Variants in BMPR1B observed in about 807,000 individuals in gnomAD.
BMPR1B encodes bone morphogenetic protein receptor type 1B.
A neutral mutation model predicts 59.1 loss-of-function variants in BMPR1B; 12 were observed. The observed-to-expected ratio is 0.20, with a 90% CI of 0.13 to 0.33. BMPR1B has a LOEUF of 0.33. Ranked by LOEUF, BMPR1B falls within the 10% of genes least tolerant of loss-of-function variation. BMPR1B has a pLI of 1.00. For synonymous variants in BMPR1B, 237 were observed against 207.3 expected, an observed-to-expected ratio of 1.14 and a Z score of -1.23; for missense variants, 550 against 610.9, an observed-to-expected ratio of 0.90 and a Z score of 1.05.
At chr4:94,835,656 A>C (rs2148928351) in intron 1 of BMPR1B, among the ~76,000 whole-genome samples, 1 of 150,432 alleles carries the variant, frequency 6.6e-6, no homozygotes, top group East Asian at 1.9e-4. Flanking sequence ...ATTAAGTATA[A>C]GTTTTGTAAA....
rs201432298 is a variant in BMPR1B, at chr4:95,097,226, T to TAAAG, written c.-17-7181_-17-7180insAAGA. On this transcript the variant is annotated intron_variant, in intron 3 of 12. Coordinates refer to ENST00000515059, the MANE Select transcript of BMPR1B (RefSeq NM_001203.3). ...TTACACTGTTTTAAAGATCAGTTAT[T>TAAAG]AGAGAAAGAGGGAAGAAGAGAGAAG... Among the ~76,000 whole-genome samples the TAAAG allele has an allele frequency of 7.5e-3, 1,127 of 150,278 alleles. 15 individuals carry two copies. Among genetic ancestry groups the TAAAG allele is most frequent in the African/African-American group, 0.025 (1,034 of 40,998 alleles).
chr4:95,153,957 T>C (rs1241619806), intron 12 of BMPR1B, among the ~76,000 whole-genome samples: 3 of 152,254 alleles, frequency 2.0e-5, no homozygotes, highest in Non-Finnish European at 4.4e-5. Context: ...CAGAAAGCTT[T>C]ATGAGATGCT....
intron 1 of BMPR1B, among the ~76,000 whole-genome samples, chr4:94,781,976 C>T (rs1578636598): frequency 6.6e-6 from 1 of 150,922 alleles, no homozygotes; most frequent in African/African-American, 2.4e-5. Context: ...GTGTGGATCT[C>T]TTTGTGTTTA....
At chr4:94,902,802 G>A (rs951593978) in intron 2 of BMPR1B, among the ~76,000 whole-genome samples, 2 of 151,966 alleles carry the variant, frequency 1.3e-5, no homozygotes, top group Non-Finnish European at 2.9e-5. Context: ...AATCTCTGCT[G>A]TACTCATCTT....
intron 5 of BMPR1B, 141 bp from the exon 6 acceptor site, chr4:95,115,544 G>T: frequency 1.3e-6 from 1 of 747,386 alleles, no homozygotes; most frequent in Non-Finnish European, 2.3e-6. Context: ...CCTTATAGAG[G>T]AGAACATATT....
chr4:94,783,274 G>T (rs1039961307), intron 1 of BMPR1B, among the ~76,000 whole-genome samples: 2 of 152,056 alleles, frequency 1.3e-5, no homozygotes, highest in Admixed American at 6.6e-5. Context: ...TTTTGAGGCC[G>T]GTGTTTGAGG....
chr4:94,856,452 A>AG (rs1244833925), intron 1 of BMPR1B, among the ~76,000 whole-genome samples: 1 of 152,134 alleles, frequency 6.6e-6, no homozygotes, highest in African/African-American at 2.4e-5. Context: ...TCCTGAAAGG[A>AG]GGGGGTTTCC....
chr4:94,838,163 G>A (rs77233142), intron 1 of BMPR1B, among the ~76,000 whole-genome samples: 35,611 of 127,682 alleles, frequency 0.28, 6,875 homozygotes, highest in African/African-American at 0.43. Context: ...CGTTTTGCCA[G>A]TATTTTATTG....
intron 2 of BMPR1B, among the ~76,000 whole-genome samples, chr4:94,980,605 G>A (rs78079763): frequency 1.4e-3 from 214 of 152,256 alleles, no homozygotes; most frequent in Non-Finnish European, 1.6e-3. Context: ...CAGTCAGAAT[G>A]AGTGTGGGTG....
chr4:95,121,543 CAAAT>C (rs979326643), intron 6 of BMPR1B, among the ~76,000 whole-genome samples: 11 of 151,798 alleles, frequency 7.2e-5, no homozygotes, highest in African/African-American at 1.7e-4. Context: ...TACAGACACA[CAAAT>C]AAGTAAACAA....
intron 1 of BMPR1B, among the ~76,000 whole-genome samples, chr4:94,789,903 G>GGA (rs1347978854): frequency 6.6e-6 from 1 of 152,114 alleles, no homozygotes; most frequent in African/African-American, 2.4e-5. Context: ...ACAGCAAATA[G>GGA]AGGATTTGCT....
chr4:95,082,463 G>A (rs991212675), intron 3 of BMPR1B, among the ~76,000 whole-genome samples: 67 of 151,968 alleles, frequency 4.4e-4, no homozygotes, highest in Admixed American at 3.3e-4. Flanking sequence ...TGTAAAATGA[G>A]AGTAGTAACC....
At chr4:95,080,056 A>G (rs771126066) in intron 3 of BMPR1B, among the ~76,000 whole-genome samples, 6 of 152,184 alleles carry the variant, frequency 3.9e-5, no homozygotes, top group Admixed American at 1.3e-4. Flanking sequence ...ATTTACAAAT[A>G]AAAGCATTTA....
chr4:95,095,397 G>A (rs776573581), intron 3 of BMPR1B, among the ~76,000 whole-genome samples: 7 of 152,046 alleles, frequency 4.6e-5, no homozygotes, highest in Non-Finnish European at 4.4e-5. Context: ...TTATCATAAC[G>A]GTACAAATAG....
At chr4:94,842,717 A>G (rs1379294472) in intron 1 of BMPR1B, among the ~76,000 whole-genome samples, 1 of 152,220 alleles carries the variant, frequency 6.6e-6, no homozygotes, top group East Asian at 1.9e-4. Context: ...TATTAGCTGT[A>G]ATTGAGCTGC....
intron 1 of BMPR1B, among the ~76,000 whole-genome samples, chr4:94,789,252 C>T (rs1040636318): frequency 6.6e-6 from 1 of 152,192 alleles, no homozygotes. Flanking sequence ...CGAGTTTTTT[C>T]ACCTTTACAA....
At chr4:95,049,805 T>A (rs1424349262) in intron 3 of BMPR1B, among the ~76,000 whole-genome samples, 3 of 151,934 alleles carry the variant, frequency 2.0e-5, no homozygotes, top group Admixed American at 1.3e-4. Flanking sequence ...GTCTTACATT[T>A]TTTCTTAATT....
intron 3 of BMPR1B, among the ~76,000 whole-genome samples, chr4:95,065,488 G>T (rs1727731658): frequency 6.6e-6 from 1 of 152,134 alleles, no homozygotes; most frequent in Admixed American, 6.6e-5. Flanking sequence ...TCATAGGCGT[G>T]ATAATCAAAT....
intron 2 of BMPR1B, among the ~76,000 whole-genome samples, chr4:94,965,704 G>T (rs1730530017): frequency 6.6e-6 from 1 of 152,166 alleles, no homozygotes; most frequent in Admixed American, 6.5e-5. Context: ...CTGAAGAAGT[G>T]TTCTTCCTGG....
Sources: gnomAD v4.1 joint callset for allele counts (sites outside exome capture counted in the v4.1 genomes callset) on GRCh38, gnomAD v4.1.1 for gene constraint, MANE v1.5 for transcripts, NCBI Gene and HGNC (gene_info 2026-07-23, HGNC 2026-07-21) for gene names.